The following VTI1A variants were observed in gnomAD, a reference collection of about 807,000 sequenced individuals.
VTI1A encodes the protein vesicle transport through interaction with t-SNAREs 1A.
VTI1A carries 22 observed loss-of-function variants against 34.9 expected under a neutral mutation model. The ratio of observed to expected loss-of-function variants is 0.63; its 90% CI spans 0.45 to 0.90. The LOEUF (loss-of-function observed/expected upper bound fraction) is 0.90. Among genes scored for constraint, VTI1A ranks in the 40% least tolerant of loss-of-function variants. The probability of loss-of-function intolerance (pLI) is 0.00; values close to 1 mark genes in which losing one functional copy is unlikely to be tolerated. For synonymous variants in VTI1A, 87 were observed against 97.3 expected, an observed-to-expected ratio of 0.89 and a Z score of 0.62; for missense variants, 268 against 275.6, an observed-to-expected ratio of 0.97 and a Z score of 0.20.
chr10:112,656,795 C>T (rs1222614759), intron 5 of VTI1A, among the ~76,000 whole-genome samples: 3 of 152,090 alleles, frequency 2.0e-5, no homozygotes, highest in African/African-American at 2.4e-5. Flanking sequence ...TGGTTTGGAT[C>T]TTTGTCCCCA....
At chr10:112,617,516 CAA>C (rs112749266) in intron 5 of VTI1A, among the ~76,000 whole-genome samples, 9 of 151,592 alleles carry the variant, frequency 5.9e-5, no homozygotes, top group Admixed American at 4.6e-4. Context: ...ATAATAATAA[CAA>C]TATCTAATTT....
intron 7 of VTI1A, among the ~76,000 whole-genome samples, chr10:112,731,321 C>G (rs1850248875): frequency 6.6e-6 from 1 of 152,184 alleles, no homozygotes; most frequent in African/African-American, 2.4e-5. Context: ...CGTCTGTAAT[C>G]CCAAGACTTT....
chr10:112,788,873 T>C (rs2134051610), intron 7 of VTI1A, among the ~76,000 whole-genome samples: 1 of 152,218 alleles, frequency 6.6e-6, no homozygotes, highest in Non-Finnish European at 1.5e-5. Flanking sequence ...CTTGTAACTT[T>C]TCATGAACTA....
downstream of VTI1A, among the ~76,000 whole-genome samples, chr10:112,822,423 G>C (rs1022786055): frequency 2.0e-5 from 3 of 152,082 alleles, no homozygotes; most frequent in Admixed American, 6.5e-5. Context: ...GGGAGGCTGG[G>C]TTGGAGTTTG....
intron 5 of VTI1A, among the ~76,000 whole-genome samples, chr10:112,565,145 C>T (rs1851868019): frequency 2.0e-5 from 3 of 152,082 alleles, no homozygotes; most frequent in African/African-American, 4.8e-5. Context: ...CTTCCTATCA[C>T]TTGTACCATA....
chr10:112,822,103 G>T (rs1853665050), downstream of VTI1A, among the ~76,000 whole-genome samples: 1 of 151,964 alleles, frequency 6.6e-6, no homozygotes, highest in South Asian at 2.1e-4. Flanking sequence ...TTTTGGGTTT[G>T]GGGGAAGACA....
At chr10:112,583,161 C>T (rs12255799) in intron 5 of VTI1A, among the ~76,000 whole-genome samples, 13,896 of 152,234 alleles carry the variant, frequency 0.091, 707 homozygotes, top group African/African-American at 0.1. Context: ...GAGCTCAACT[C>T]GTACTTTCAT....
At chr10:112,696,185 C>T (rs780747990) in intron 7 of VTI1A, among the ~76,000 whole-genome samples, 1 of 151,692 alleles carries the variant, frequency 6.6e-6, no homozygotes, top group Non-Finnish European at 1.5e-5. Context: ...AGCTACTTAT[C>T]TTATTCTATT....
the VTI1A span, among the ~76,000 whole-genome samples, chr10:112,837,830 T>C: frequency 6.6e-6 from 1 of 152,142 alleles, no homozygotes; most frequent in African/African-American, 2.4e-5. Flanking sequence ...AGATCAACTA[T>C]CTGAATTTGG....
At chr10:112,681,930 A>G (rs1848231294) in intron 7 of VTI1A, among the ~76,000 whole-genome samples, 2 of 152,174 alleles carry the variant, frequency 1.3e-5, no homozygotes, top group African/African-American at 4.8e-5. Flanking sequence ...ATGTGTCCCA[A>G]TTAAATCTTT....
In VTI1A at chr10:112,663,202, T is replaced by A. The variant is rs548390747; in HGVS notation, c.428-5016T>A. Among the ~76,000 whole-genome samples, 218 of 152,330 alleles carry A rather than the reference T, an allele frequency of 1.4e-3. 7 individuals are homozygous for A. In the South Asian group the frequency reaches 0.022, roughly 15 times the overall value. On this transcript the variant is annotated intron_variant, in intron 5 of 7. Transcript: ENST00000393077. Reference sequence around the variant, plus strand: ...AGAGTTCATCTAGATTCCGTTCTGTTTTGTAAGCCTACATCATCATTTAAT... The same window carrying A: ...AGAGTTCATCTAGATTCCGTTCTGTATTGTAAGCCTACATCATCATTTAAT...
intron 5 of VTI1A, among the ~76,000 whole-genome samples, chr10:112,596,243 C>T (rs1338364889): frequency 6.6e-6 from 1 of 151,974 alleles, no homozygotes; most frequent in East Asian, 1.9e-4. Context: ...CGCACACCAG[C>T]ATGGCACATG....
chr10:112,639,003 G>A (rs927921044), intron 5 of VTI1A, among the ~76,000 whole-genome samples: 4 of 152,024 alleles, frequency 2.6e-5, no homozygotes, highest in African/African-American at 4.8e-5. Context: ...ACTCCAAAAA[G>A]GGAGGGAAAA....
At chr10:112,625,302 G>A (rs1020919496) in intron 5 of VTI1A, among the ~76,000 whole-genome samples, 1 of 152,160 alleles carries the variant, frequency 6.6e-6, no homozygotes, top group Non-Finnish European at 1.5e-5. Context: ...CTAGTGACCT[G>A]GATGGGATTG....
chr10:112,753,271 T>TATAATA lies in VTI1A; in HGVS notation c.561-62000_561-61995dup, dbSNP rs10566277. On this transcript the variant is annotated intron_variant, in intron 7 of 7. Coordinates refer to ENST00000393077, the MANE Select transcript of VTI1A (RefSeq NM_145206.4). Reference sequence around the variant, plus strand: ...AGCCAAGAAACTTTACTCTTTTAAATATAATAATAATAATAATAATAATAC... The same window carrying TATAATA: ...AGCCAAGAAACTTTACTCTTTTAAATATAATAATAATAATAATAATAATAATAATAC... Among the ~76,000 whole-genome samples the TATAATA allele has an allele frequency of 7.3e-3, 1,100 of 150,316 alleles. 12 individuals carry two copies. Among genetic ancestry groups the TATAATA allele is most frequent in the African/African-American group, 0.024 (971 of 41,172 alleles).
intron 5 of VTI1A, among the ~76,000 whole-genome samples, chr10:112,572,771 G>A (rs186878798): frequency 6.6e-6 from 1 of 151,536 alleles, no homozygotes; most frequent in Non-Finnish European, 1.5e-5. Flanking sequence ...CCCGGGAGGC[G>A]GAGCTTGCAG....
intron 5 of VTI1A, among the ~76,000 whole-genome samples, chr10:112,614,419 C>T (rs934779684): frequency 4.6e-5 from 7 of 152,134 alleles, no homozygotes; most frequent in Non-Finnish European, 1.0e-4. Context: ...TTGGTTCACT[C>T]TTTTGTGGCT....
chr10:112,825,675 T>C, the VTI1A span: 1 of 152,230 alleles, frequency 6.6e-6, no homozygotes, highest in African/African-American at 2.4e-5. Flanking sequence ...AGGGTGCCTG[T>C]GGGGGTCTGC....
At chr10:112,731,696 T>G (rs563412251) in intron 7 of VTI1A, among the ~76,000 whole-genome samples, 1 of 152,352 alleles carries the variant, frequency 6.6e-6, no homozygotes, top group South Asian at 2.1e-4. Flanking sequence ...AAATGAAATT[T>G]TTGATGTCAG....
Sources: allele counts gnomAD v4.1 joint callset (sites outside exome capture counted in the v4.1 genomes callset), GRCh38; gene constraint gnomAD v4.1.1; transcripts MANE v1.5; gene names NCBI Gene and HGNC (gene_info 2026-07-23, HGNC 2026-07-21).